Variants in ANKS1B observed in about 807,000 individuals in gnomAD.
ANKS1B encodes the protein ankyrin repeat and sterile alpha motif domain-containing protein 1B.
A neutral mutation model predicts 148.3 loss-of-function variants in ANKS1B; 36 were observed. The observed-to-expected ratio is 0.24, with a 90% CI of 0.19 to 0.32. The LOEUF is 0.32. ANKS1B is among the 10% of genes least tolerant of loss of function. The pLI, the probability that ANKS1B is intolerant of heterozygous loss-of-function variation, is 1.00. For synonymous variants in ANKS1B, 542 were observed against 560.8 expected, an observed-to-expected ratio of 0.97 and a Z score of 0.47; for missense variants, 1,157 against 1,542.6, an observed-to-expected ratio of 0.75 and a Z score of 4.19.
intron 11 of ANKS1B, among the ~76,000 whole-genome samples, chr12:99,412,436 T>TTTGA (rs2094741495): frequency 6.6e-6 from 1 of 152,228 alleles, no homozygotes; most frequent in African/African-American, 2.4e-5. Flanking sequence ...ACTCCCTGGC[T>TTTGA]TTGATAACCA....
At chr12:99,122,862 G>C (rs1336732585) in intron 15 of ANKS1B, among the ~76,000 whole-genome samples, 2 of 151,930 alleles carry the variant, frequency 1.3e-5, no homozygotes, top group African/African-American at 4.8e-5. Flanking sequence ...GCATTAGCAA[G>C]AAAATTCTAT....
chr12:98,853,661 C>T (rs573257706), intron 17 of ANKS1B, among the ~76,000 whole-genome samples: 1 of 152,332 alleles, frequency 6.6e-6, no homozygotes, highest in South Asian at 2.1e-4. Flanking sequence ...ATCCCCCCTG[C>T]TACTCTCTAT....
At chr12:99,595,723 T>C (rs928761060) in intron 9 of ANKS1B, among the ~76,000 whole-genome samples, 2 of 151,910 alleles carry the variant, frequency 1.3e-5, no homozygotes, top group African/African-American at 4.8e-5. Flanking sequence ...CCCTGTATAA[T>C]ACCTCTTAAC....
In ANKS1B at chr12:99,681,152, C is replaced by T. The variant is rs571240121; in HGVS notation, c.1129-25942G>A. On this transcript the variant is annotated intron_variant, in intron 8 of 26. Transcript: ENST00000683438. ...GAATCCTGAGTACTTATCCAGGCAA[C>T]CTTAAAGCAAGCTTGTATACCCCTA... Among the ~76,000 whole-genome samples the T allele has an allele frequency of 8.8e-4, 134 of 152,288 alleles. 5 individuals carry two copies. The South Asian group carries it at 0.024, about 28-fold the overall frequency.
At chr12:99,666,317 TA>T (rs1303850086) in intron 8 of ANKS1B, among the ~76,000 whole-genome samples, 32 of 152,346 alleles carry the variant, frequency 2.1e-4, no homozygotes, top group African/African-American at 7.7e-4. Context: ...AAGCTGTCAA[TA>T]GCTGAAAAAT....
chr12:99,241,232 C>T (rs1046729835), intron 14 of ANKS1B, among the ~76,000 whole-genome samples: 9 of 152,200 alleles, frequency 5.9e-5, no homozygotes, highest in Non-Finnish European at 1.0e-4. Context: ...ACCAATCCCA[C>T]AGAAATACAA....
At chr12:99,731,829 T>G (rs1365058579) in intron 8 of ANKS1B, among the ~76,000 whole-genome samples, 3 of 152,152 alleles carry the variant, frequency 2.0e-5, no homozygotes, top group Non-Finnish European at 4.4e-5. Context: ...CATCAAAAAT[T>G]TTTAAAGTTT....
rs568309701 is a variant in ANKS1B, at chr12:99,315,933, T to C, written c.1757-69069A>G. Among the ~76,000 whole-genome samples the C allele has an allele frequency of 1.6e-3, 250 of 152,286 alleles. 1 individual carries two copies. The highest frequency in any genetic ancestry group is 5.8e-3 in the African/African-American group (241 of 41,552). Reference sequence around the variant, plus strand: ...AGAACATGTGGTGTTTGGTTTTCTGTCCTTGCAATACTTTGCTCAGAATGA... The same window carrying C: ...AGAACATGTGGTGTTTGGTTTTCTGCCCTTGCAATACTTTGCTCAGAATGA... On this transcript the variant is annotated intron_variant, in intron 12 of 26. Coordinates refer to ENST00000683438, the MANE Select transcript of ANKS1B (RefSeq NM_001352186.2).
chr12:98,891,237 C>T (rs985187798), intron 17 of ANKS1B, among the ~76,000 whole-genome samples: 1 of 152,146 alleles, frequency 6.6e-6, no homozygotes, highest in African/African-American at 2.4e-5. Flanking sequence ...TTCCTATTTC[C>T]ATATGAGAAA....
chr12:99,350,797 T>C (rs1566940917), intron 12 of ANKS1B, among the ~76,000 whole-genome samples: 2 of 152,062 alleles, frequency 1.3e-5, no homozygotes, highest in African/African-American at 2.4e-5. Flanking sequence ...GGAAAAACCA[T>C]ACTCACTTCT....
chr12:99,465,811 C>T (rs1419181019), intron 10 of ANKS1B, among the ~76,000 whole-genome samples: 2 of 152,120 alleles, frequency 1.3e-5, no homozygotes, highest in Admixed American at 1.3e-4. Flanking sequence ...AAGTGACCTA[C>T]AAAGAGACTT....
intron 11 of ANKS1B, among the ~76,000 whole-genome samples, chr12:99,439,325 C>T (rs982362799): frequency 2.0e-4 from 31 of 151,550 alleles, no homozygotes; most frequent in Admixed American, 1.3e-4. Context: ...TTAAAATATT[C>T]TGCTCATCAA....
chr12:99,404,495 C>G (rs2094487214), intron 11 of ANKS1B, among the ~76,000 whole-genome samples: 1 of 145,308 alleles, frequency 6.9e-6, no homozygotes, highest in South Asian at 2.1e-4. Context: ...CTGAAAAATG[C>G]AACTGGTATA....
intron 12 of ANKS1B, among the ~76,000 whole-genome samples, chr12:99,346,228 T>C (rs565147926): frequency 3.0e-4 from 45 of 152,094 alleles, no homozygotes; most frequent in African/African-American, 1.0e-3. Context: ...GGTTTTAGCT[T>C]ATAGGATTTC....
chr12:99,771,745 T>C (rs1046209922), intron 8 of ANKS1B, among the ~76,000 whole-genome samples: 1 of 152,024 alleles, frequency 6.6e-6, no homozygotes, highest in Non-Finnish European at 1.5e-5. Context: ...TAATAGGATG[T>C]TTTTACAAAA....
intron 2 of ANKS1B, among the ~76,000 whole-genome samples, chr12:99,816,104 G>A (rs1405696636): frequency 2.0e-5 from 3 of 151,852 alleles, no homozygotes; most frequent in African/African-American, 7.2e-5. Context: ...CCCACCAGCA[G>A]CGTAAAAGTG....
At chr12:98,852,503 A>G (rs752402763) in intron 17 of ANKS1B, among the ~76,000 whole-genome samples, 11 of 152,198 alleles carry the variant, frequency 7.2e-5, no homozygotes, top group Non-Finnish European at 1.3e-4. Context: ...ACTACTTTCT[A>G]TGCATCTGCT....
intron 1 of ANKS1B, among the ~76,000 whole-genome samples, chr12:99,876,197 G>C (rs1417188899): frequency 6.6e-6 from 1 of 152,124 alleles, no homozygotes; most frequent in Non-Finnish European, 1.5e-5. Flanking sequence ...AAGTGCTGCA[G>C]AAAAGGTAAA....
At chr12:99,864,755 A>G (rs2090512766) in intron 1 of ANKS1B, among the ~76,000 whole-genome samples, 1 of 152,180 alleles carries the variant, frequency 6.6e-6, no homozygotes, top group Admixed American at 6.5e-5. Flanking sequence ...CAGGATATAA[A>G]TTACATATTT....
Sources: allele counts gnomAD v4.1 joint callset (sites outside exome capture counted in the v4.1 genomes callset), GRCh38; gene constraint gnomAD v4.1.1; transcripts MANE v1.5; gene names NCBI Gene and HGNC (gene_info 2026-07-23, HGNC 2026-07-21).